C17orf99: variants seen among roughly 807,000 people sequenced by gnomAD.
C17orf99 encodes the protein chromosome 17 open reading frame 99, also known as protein IL-40.
A neutral mutation model predicts 22.6 loss-of-function variants in C17orf99; 18 were observed. The ratio of observed to expected loss-of-function variants is 0.80; its 90% CI spans 0.55 to 1.18. C17orf99 has a LOEUF of 1.18. Among genes scored for constraint, C17orf99 ranks in the 50% most tolerant of loss-of-function variants. The pLI is 0.00. For synonymous variants in C17orf99, 147 were observed against 136.6 expected (o/e 1.08, Z -0.53); for missense variants, 328 against 342.7 (o/e 0.96, Z 0.34).
At chr17:78,152,636 A>ATTT (rs111755912) in intron 2 of C17orf99, among the ~76,000 whole-genome samples, 2 of 142,150 alleles carry the variant, frequency 1.4e-5, no homozygotes, top group Non-Finnish European at 3.1e-5. Flanking sequence ...CACCCAGCCA[A>ATTT]TTTTTTTTTT....
intron 4 of C17orf99, chr17:78,165,223 G>A (rs2075609005): frequency 2.0e-6 from 2 of 990,746 alleles, no homozygotes; most frequent in Non-Finnish European, 2.4e-6. Context: ...CCCTGCCTCT[G>A]TGAACTCATC....
intron 2 of C17orf99, among the ~76,000 whole-genome samples, chr17:78,150,877 C>T (rs531250636): frequency 3.9e-5 from 6 of 152,328 alleles, no homozygotes; most frequent in African/African-American, 1.4e-4. Context: ...TAATCGAGCA[C>T]TTTGGGAGGC....
chr17:78,160,703 C>T (rs2075567563), intron 2 of C17orf99: 1 of 499,842 alleles, frequency 2.0e-6, no homozygotes, highest in Admixed American at 3.5e-5. Context: ...CCTGCCTTAG[C>T]TTCCCGAGTA....
chr17:78,165,142 G>A, intron 4 of C17orf99: 1 of 1,014,954 alleles, frequency 9.9e-7, no homozygotes, highest in African/African-American at 1.7e-5. Flanking sequence ...AGTGACCAAG[G>A]CCTTTGTAGT....
At chr17:78,157,900 C>A in intron 2 of C17orf99, 1 of 1,176,510 alleles carries the variant, frequency 8.5e-7, no homozygotes, top group Non-Finnish European at 1.2e-6. Context: ...GCAAGCACGG[C>A]CATGCCAAGG....
At chr17:78,161,366 G>A (rs2075575417) in intron 3 of C17orf99, 112 bp downstream of exon 3, 2 of 966,280 alleles carry the variant, frequency 2.1e-6, no homozygotes, top group Admixed American at 2.3e-5. Context: ...GCCAGGGTGT[G>A]AGGGTGTGGA....
chr17:78,159,766 T>C (rs1567821046), intron 2 of C17orf99, among the ~76,000 whole-genome samples: 2 of 152,004 alleles, frequency 1.3e-5, no homozygotes, highest in Non-Finnish European at 2.9e-5. Context: ...CCAATCTGCT[T>C]TCTGTCTCTG....
intron 2 of C17orf99, among the ~76,000 whole-genome samples, chr17:78,159,786 C>CT (rs2075558741): frequency 6.6e-6 from 1 of 152,120 alleles, no homozygotes; most frequent in Non-Finnish European, 1.5e-5. Context: ...GTGGGTTCTC[C>CT]TGTTCTGAAC....
chr17:78,160,546 A>AG (rs2075565667), intron 2 of C17orf99, among the ~76,000 whole-genome samples: 2 of 140,584 alleles, frequency 1.4e-5, no homozygotes, highest in African/African-American at 5.5e-5. Context: ...AAAAAAAAAA[A>AG]AAGAGAGAGA....
chr17:78,157,642 CA>C, intron 2 of C17orf99: 1 of 460,652 alleles, frequency 2.2e-6, no homozygotes, highest in South Asian at 2.0e-5. Context: ...ACTAAAAATA[CA>C]AAAATTAGCC....
At chr17:78,164,578 G>A in intron 4 of C17orf99, 10 of 1,530,320 alleles carry the variant, frequency 6.5e-6, no homozygotes, top group Non-Finnish European at 8.7e-6. Context: ...GGGTTGCCCA[G>A]GGCACCCACC....
chr17:78,147,684 G>A (rs2075447156), intron 2 of C17orf99, among the ~76,000 whole-genome samples: 1 of 152,146 alleles, frequency 6.6e-6, no homozygotes, highest in Non-Finnish European at 1.5e-5. Flanking sequence ...TACAGAGCAG[G>A]GCCTTCCCCC....
chr17:78,147,733 G>A (rs148026650), intron 2 of C17orf99, among the ~76,000 whole-genome samples: 176 of 152,224 alleles, frequency 1.2e-3, no homozygotes, highest in African/African-American at 4.0e-3. Context: ...TAATGATGAC[G>A]CCATTCTCAC....
At chr17:78,160,062 C>T in intron 2 of C17orf99, 1 of 456,146 alleles carries the variant, frequency 2.2e-6, no homozygotes, top group South Asian at 1.5e-5. Context: ...TCCCTGTTTT[C>T]TATTATTTGG....
chr17:78,151,423 C>CAAAAAAAAAAAAA (rs35828431), intron 2 of C17orf99, among the ~76,000 whole-genome samples: 2 of 56,178 alleles, frequency 3.6e-5, no homozygotes, highest in Non-Finnish European at 6.8e-5. Context: ...GACTCTGTCT[C>CAAAAAAAAAAAAA]AAAAAAAAAA....
intron 2 of C17orf99, chr17:78,160,661 G>C (rs960587369): frequency 5.8e-6 from 2 of 343,916 alleles, no homozygotes; most frequent in African/African-American, 4.3e-5. Flanking sequence ...ACTGCCACCT[G>C]CCACCTCCGC....
Position 78,165,958 on chromosome 17 carries a change from G to A in C17orf99, c.710G>A (p.Arg237Lys). The change falls in exon 5 of 5, where the codon AGG (arginine) becomes AAG (lysine). Residue 237 changes from arginine (R) to lysine (K), a missense_variant. Coordinates refer to ENST00000340363, the MANE Select transcript of C17orf99 (RefSeq NM_001163075.2). Reference protein sequence around the residue: ...ESPILALPLYRSTRRLSEEEF... With the variant: ...ESPILALPLYKSTRRLSEEEF... The stretch of plus-strand genomic sequence containing the variant: ...CCCATCCTTGCCTTGCCGCTCTACA[G>A]GAGCACCCGCCGTCTGAGTGAAGAG... 6.6e-7 allele frequency: 1 copy of A among 1,504,366 alleles called. No individual in the cohort carries two copies. Among genetic ancestry groups the A allele is most frequent in the South Asian group, 1.3e-5 (1 of 76,448 alleles). The allele number at this position is 1,504,366 out of a possible 1,614,324, so 93.2% of individuals were successfully genotyped here.
At chr17:78,149,827 A>T (rs1236652434) in intron 2 of C17orf99, among the ~76,000 whole-genome samples, 1 of 151,484 alleles carries the variant, frequency 6.6e-6, no homozygotes, top group East Asian at 1.9e-4. Flanking sequence ...CTCCTGCCTC[A>T]GCCTCCTCAG....
intron 2 of C17orf99, among the ~76,000 whole-genome samples, chr17:78,147,158 C>T (rs1403447269): frequency 2.0e-5 from 3 of 152,224 alleles, no homozygotes; most frequent in Non-Finnish European, 4.4e-5. Flanking sequence ...TGCTCAGCTT[C>T]CAGCCTTTGG....
Sources: gnomAD v4.1 joint callset for allele counts (sites outside exome capture counted in the v4.1 genomes callset) on GRCh38, gnomAD v4.1.1 for gene constraint, MANE v1.5 for transcripts, NCBI Gene and HGNC (gene_info 2026-07-23, HGNC 2026-07-21) for gene names.